DSCAM: variants seen among roughly 807,000 people sequenced by gnomAD.
DSCAM encodes the protein DS cell adhesion molecule.
In DSCAM, 47 loss-of-function variants were observed where a neutral mutation model predicts 217.7. The observed-to-expected ratio is 0.22, with a 90% confidence interval of 0.17 to 0.28. The LOEUF is 0.28. DSCAM is among the 10% of genes least tolerant of loss of function. The pLI, the probability that DSCAM is intolerant of heterozygous loss-of-function variation, is 1.00. For missense variants in DSCAM, 2,080 were observed against 2,618.3 expected, an observed-to-expected ratio of 0.79 and a Z score of 4.49; for synonymous variants, 1,056 against 1,015.3, an observed-to-expected ratio of 1.04 and a Z score of -0.76.
At chr21:40,842,541 A>G (rs780754559) in intron 1 of DSCAM, among the ~76,000 whole-genome samples, 15 of 152,142 alleles carry the variant, frequency 9.9e-5, no homozygotes, top group African/African-American at 2.2e-4. Flanking sequence ...TAAATTTCCA[A>G]TCTACAGTGT....
chr21:40,370,241 C>G (rs2074880929), intron 3 of DSCAM, among the ~76,000 whole-genome samples: 1 of 148,940 alleles, frequency 6.7e-6, no homozygotes, highest in Non-Finnish European at 1.5e-5. Context: ...AATAAAATTT[C>G]TGGTCTTTTA....
intron 3 of DSCAM, among the ~76,000 whole-genome samples, chr21:40,577,461 C>CA (rs1018138820): frequency 2.6e-5 from 4 of 152,112 alleles, no homozygotes; most frequent in East Asian, 3.9e-4. Flanking sequence ...GTGGCGCCCC[C>CA]CTCCGAGCCG....
chr21:40,134,710 G>A (rs763978429), intron 18 of DSCAM, among the ~76,000 whole-genome samples: 3 of 152,134 alleles, frequency 2.0e-5, no homozygotes, highest in Non-Finnish European at 4.4e-5. Flanking sequence ...TGATTGTGGC[G>A]AGCATTTCAC....
chr21:40,786,299 GAAGA>G (rs918678243), intron 1 of DSCAM, among the ~76,000 whole-genome samples: 1 of 149,960 alleles, frequency 6.7e-6, no homozygotes, highest in Non-Finnish European at 1.5e-5. Flanking sequence ...AGGAAGGAAG[GAAGA>G]AAGAAAGAGG....
intron 8 of DSCAM, among the ~76,000 whole-genome samples, chr21:40,318,259 A>G (rs1162273413): frequency 2.0e-5 from 3 of 151,740 alleles, no homozygotes; most frequent in Non-Finnish European, 4.4e-5. Flanking sequence ...TGGGTGCAGC[A>G]CACCAGCATG....
Position 40,708,569 on chromosome 21 carries a change from T to A in DSCAM, c.246A>T (p.Gln82His). Residue 82 changes from glutamine to histidine, a missense_variant, in exon 2 of 33, where the codon CAA (glutamine) becomes CAT (histidine). Physicochemically the swap from Gln to His is conservative, Grantham distance 24. Coordinates refer to ENST00000400454, the MANE Select transcript of DSCAM (RefSeq NM_001389.5). ...AGCTTGAAGGAGGGAAGGGGAAAATTTGGAGAGTGCCGTTGGGGTGGACGT... is the reference window on the plus strand; with the variant it reads ...AGCTTGAAGGAGGGAAGGGGAAAATATGGAGAGTGCCGTTGGGGTGGACGT... Reference protein sequence around the residue: ...IRHVHPNGTLQIFPFPPSSFS... With the variant: ...IRHVHPNGTLHIFPFPPSSFS... The A allele has an allele frequency of 6.2e-7, 1 of 1,604,712 alleles. No homozygotes were observed. Among genetic ancestry groups the A allele is most frequent in the Middle Eastern group, 1.7e-4 (1 of 6,014 alleles).
chr21:40,148,781 A>ACAC (rs1206583871), intron 16 of DSCAM, among the ~76,000 whole-genome samples: 6 of 151,964 alleles, frequency 3.9e-5, no homozygotes, highest in Non-Finnish European at 8.8e-5. Context: ...AATACTGTGA[A>ACAC]CACCACCACC....
intron 3 of DSCAM, among the ~76,000 whole-genome samples, chr21:40,436,702 C>T (rs373343156): frequency 6.6e-6 from 1 of 152,106 alleles, no homozygotes; most frequent in Admixed American, 6.6e-5. Flanking sequence ...TGAAACTAGG[C>T]CGCCCTCGTT....
chr21:40,497,420 TA>T (rs1315162798), intron 3 of DSCAM, among the ~76,000 whole-genome samples: 6 of 139,206 alleles, frequency 4.3e-5, no homozygotes, highest in African/African-American at 1.6e-4. Context: ...CTAAAAGAAT[TA>T]AATTCATAGA....
At chr21:40,577,415 G>A (rs184478886) in intron 3 of DSCAM, among the ~76,000 whole-genome samples, 9 of 151,630 alleles carry the variant, frequency 5.9e-5, no homozygotes, top group Admixed American at 6.6e-5. Flanking sequence ...TCCGGAAGAC[G>A]GTCACTCTTT....
At chr21:40,438,318 C>G (rs778083514) in intron 3 of DSCAM, among the ~76,000 whole-genome samples, 1 of 152,060 alleles carries the variant, frequency 6.6e-6, no homozygotes, top group African/African-American at 2.4e-5. Flanking sequence ...ATAGATGCAA[C>G]GATCATGTGT....
chr21:40,820,117 C>A (rs1025150019), intron 1 of DSCAM, among the ~76,000 whole-genome samples: 46 of 152,156 alleles, frequency 3.0e-4, no homozygotes, highest in African/African-American at 1.1e-3. Flanking sequence ...GGGGTATATA[C>A]CCAGAGGGTT....
At chr21:40,085,415 G>T (rs2089518870) in intron 23 of DSCAM, among the ~76,000 whole-genome samples, 187 bp downstream of exon 23, 1 of 152,240 alleles carries the variant, frequency 6.6e-6, no homozygotes, top group African/African-American at 2.4e-5. Context: ...GGTTGTGAAT[G>T]CTTTGTATTT....
At chr21:40,613,438 T>G (rs2089343346) in intron 3 of DSCAM, among the ~76,000 whole-genome samples, 1 of 152,226 alleles carries the variant, frequency 6.6e-6, no homozygotes, top group Non-Finnish European at 1.5e-5. Flanking sequence ...AGTGGTTTTA[T>G]ATTCCTAATT....
At chr21:40,265,913 A>T (rs544442046) in intron 11 of DSCAM, among the ~76,000 whole-genome samples, 1 of 152,356 alleles carries the variant, frequency 6.6e-6, no homozygotes, top group South Asian at 2.1e-4. Context: ...ATTCTAGAAG[A>T]ATCCCTAGGA....
chr21:40,399,428 G>A (rs963213251), intron 3 of DSCAM, among the ~76,000 whole-genome samples: 1 of 152,184 alleles, frequency 6.6e-6, no homozygotes, highest in Non-Finnish European at 1.5e-5. Context: ...AATATCTTTA[G>A]AGTTCTTTAG....
chr21:40,798,707 A>T (rs1486903641), intron 1 of DSCAM, among the ~76,000 whole-genome samples: 1 of 152,106 alleles, frequency 6.6e-6, no homozygotes, highest in Admixed American at 6.5e-5. Context: ...AGAATAAAAC[A>T]ATCACCTAAT....
intron 3 of DSCAM, among the ~76,000 whole-genome samples, chr21:40,687,159 A>C (rs1037651117): frequency 6.6e-6 from 1 of 152,178 alleles, no homozygotes; most frequent in South Asian, 2.1e-4. Context: ...GTAGATGATA[A>C]CAGACAGAAA....
intron 30 of DSCAM, among the ~76,000 whole-genome samples, chr21:40,051,671 T>C (rs2088933859): frequency 6.6e-6 from 1 of 152,184 alleles, no homozygotes; most frequent in Non-Finnish European, 1.5e-5. Context: ...CTAAAGTAGA[T>C]TACTTTTTTC....
Sources: allele counts gnomAD v4.1 joint callset (sites outside exome capture counted in the v4.1 genomes callset), GRCh38; gene constraint gnomAD v4.1.1; transcripts MANE v1.5; gene names NCBI Gene and HGNC (gene_info 2026-07-23, HGNC 2026-07-21).